The following SLC4A4 variants were observed in gnomAD, a reference collection of about 807,000 sequenced individuals.
SLC4A4 encodes the protein solute carrier family 4 member 4, also known as electrogenic sodium bicarbonate cotransporter 1.
A neutral mutation model predicts 111.5 loss-of-function variants in SLC4A4; 27 were observed. That is an observed-to-expected ratio of 0.24 (90% CI 0.18 to 0.33). The LOEUF (loss-of-function observed/expected upper bound fraction) is 0.33, where lower values mean the gene tolerates loss of function less well. SLC4A4 is among the 10% of genes least tolerant of loss of function. The probability of loss-of-function intolerance (pLI) is 1.00; values close to 1 mark genes in which losing one functional copy is unlikely to be tolerated. For missense variants in SLC4A4, 909 were observed against 1,315.5 expected, an observed-to-expected ratio of 0.69 and a Z score of 4.78; for synonymous variants, 443 against 463.4, an observed-to-expected ratio of 0.96 and a Z score of 0.57.
intron 3 of SLC4A4, among the ~76,000 whole-genome samples, chr4:71,263,077 T>G (rs111338747): frequency 0.14 from 20,902 of 146,808 alleles, 1,653 homozygotes; most frequent in East Asian, 0.33. Flanking sequence ...TGTGTTCTCG[T>G]TGTTCAATTC....
At chr4:71,254,796 G>A (rs1254741489) in intron 2 of SLC4A4, among the ~76,000 whole-genome samples, 1 of 152,088 alleles carries the variant, frequency 6.6e-6, no homozygotes, top group African/African-American at 2.4e-5. Flanking sequence ...ACTCATGTAA[G>A]GCTGAAACTG....
intron 6 of SLC4A4, among the ~76,000 whole-genome samples, chr4:71,386,193 T>C (rs1718700336): frequency 6.6e-6 from 1 of 152,154 alleles, no homozygotes; most frequent in Non-Finnish European, 1.5e-5. Context: ...TCTTGTAGCT[T>C]TTCCTTTCTA....
intron 3 of SLC4A4, among the ~76,000 whole-genome samples, chr4:71,297,509 AAC>A (rs61184918): frequency 0.2 from 26,709 of 131,776 alleles, 2,481 homozygotes; most frequent in Admixed American, 0.26. Flanking sequence ...CACACAGACA[AAC>A]ACACACACAC....
intron 3 of SLC4A4, among the ~76,000 whole-genome samples, chr4:71,283,047 G>T (rs1415554263): frequency 6.6e-6 from 1 of 152,098 alleles, no homozygotes; most frequent in African/African-American, 2.4e-5. Flanking sequence ...ATTTTATTAT[G>T]AAAATACCTG....
At chr4:71,342,762 T>C (rs1728996746) in intron 4 of SLC4A4, among the ~76,000 whole-genome samples, 1 of 151,988 alleles carries the variant, frequency 6.6e-6, no homozygotes, top group Non-Finnish European at 1.5e-5. Context: ...TATAGGTAAT[T>C]CAACATTGAA....
At chr4:71,445,525 T>C (rs1267921446) in intron 8 of SLC4A4, among the ~76,000 whole-genome samples, 1 of 152,146 alleles carries the variant, frequency 6.6e-6, no homozygotes, top group African/African-American at 2.4e-5. Flanking sequence ...AAAGTTAATA[T>C]TTAGATACAT....
chr4:71,155,105 T>C (rs777277502), intron 2 of SLC4A4, among the ~76,000 whole-genome samples: 1 of 151,090 alleles, frequency 6.6e-6, no homozygotes, highest in African/African-American at 2.4e-5. Flanking sequence ...TGTGTGTGTG[T>C]ATGTATGTGT....
chr4:71,152,918 G>C (rs1468597393), intron 2 of SLC4A4, among the ~76,000 whole-genome samples: 1 of 149,966 alleles, frequency 6.7e-6, no homozygotes, highest in Admixed American at 6.7e-5. Context: ...GGATGAAAAG[G>C]ACTGGTATAT....
chr4:71,397,864 G>C (rs1299325354), intron 7 of SLC4A4, among the ~76,000 whole-genome samples: 1 of 152,190 alleles, frequency 6.6e-6, no homozygotes, highest in Non-Finnish European at 1.5e-5. Context: ...TGTTGCAGAT[G>C]CATCACTTGG....
At chr4:71,224,753 T>G (rs961386671) in intron 1 of SLC4A4, among the ~76,000 whole-genome samples, 2 of 152,158 alleles carry the variant, frequency 1.3e-5, no homozygotes, top group African/African-American at 4.8e-5. Context: ...TAAGAAGGCA[T>G]ATATGTATGA....
chr4:71,487,128 A>T, intron 15 of SLC4A4, 110 bp downstream of exon 15: 1 of 683,026 alleles, frequency 1.5e-6, no homozygotes, highest in South Asian at 1.7e-5. Flanking sequence ...TCTGGCATGA[A>T]CACATACGTA....
chr4:71,466,352 G>A (rs1727310326), intron 12 of SLC4A4, 92 bp from the exon 13 acceptor site: 1 of 1,411,884 alleles, frequency 7.1e-7, no homozygotes, highest in Non-Finnish European at 1.0e-6. Context: ...CCTCCTAATA[G>A]TATATTCACG....
intron 3 of SLC4A4, among the ~76,000 whole-genome samples, chr4:71,336,319 A>G (rs908948340): frequency 7.9e-5 from 12 of 152,338 alleles, no homozygotes; most frequent in African/African-American, 2.9e-4. Flanking sequence ...GAAATTATGC[A>G]AAACAATCCT....
At chr4:71,372,033 C>G (rs144909022) in intron 6 of SLC4A4, among the ~76,000 whole-genome samples, 78 of 152,296 alleles carry the variant, frequency 5.1e-4, no homozygotes, top group African/African-American at 1.7e-3. Context: ...TCAATTTATT[C>G]TAATTGTTAA....
At chr4:71,210,499 C>A (rs1234586110) in intron 1 of SLC4A4, among the ~76,000 whole-genome samples, 1 of 152,160 alleles carries the variant, frequency 6.6e-6, no homozygotes, top group Non-Finnish European at 1.5e-5. Context: ...AATGCATAAT[C>A]TTTGGTAATT....
upstream of SLC4A4, among the ~76,000 whole-genome samples, chr4:71,186,017 T>C (rs1197003346): frequency 2.6e-5 from 4 of 152,228 alleles, no homozygotes; most frequent in Non-Finnish European, 5.9e-5. Context: ...GACTACTCTC[T>C]AGCAGTACCC....
chr4:71,250,629 T>G (rs371706899), intron 2 of SLC4A4, among the ~76,000 whole-genome samples: 85 of 152,172 alleles, frequency 5.6e-4, no homozygotes, highest in African/African-American at 2.0e-3. Context: ...GTTGGAAGAA[T>G]GAGGTTGTGT....
intron 3 of SLC4A4, among the ~76,000 whole-genome samples, chr4:71,294,748 CTT>C (rs969001775): frequency 6.6e-6 from 1 of 152,172 alleles, no homozygotes; most frequent in African/African-American, 2.4e-5. Flanking sequence ...TGTGGGTCCT[CTT>C]TTAATGTAAA....
chr4:71,376,657 G>T, intron 6 of SLC4A4, among the ~76,000 whole-genome samples: 1 of 148,158 alleles, frequency 6.7e-6, no homozygotes. Flanking sequence ...TTTTTGAGTT[G>T]GAGTCTCACT....
Sources: allele counts gnomAD v4.1 joint callset (sites outside exome capture counted in the v4.1 genomes callset), GRCh38; gene constraint gnomAD v4.1.1; transcripts MANE v1.5; gene names NCBI Gene and HGNC (gene_info 2026-07-23, HGNC 2026-07-21).